Variants in TMED3 observed in about 807,000 individuals in gnomAD.
TMED3 encodes the protein transmembrane p24 trafficking protein 3.
In TMED3, 9 loss-of-function variants were observed where a neutral mutation model predicts 15.0. That is an observed-to-expected ratio of 0.60 (90% CI 0.36 to 1.04). The LOEUF is 1.04. Among genes scored for constraint, TMED3 ranks in the 50% least tolerant of loss-of-function variants. TMED3 has a pLI of 0.01. For missense variants in TMED3, 267 were observed against 278.9 expected (o/e 0.96, Z 0.30); for synonymous variants, 117 against 121.4 (o/e 0.96, Z 0.24).
intron 2 of TMED3, among the ~76,000 whole-genome samples, chr15:79,403,074 C>T (rs1364559162): frequency 6.6e-6 from 1 of 150,550 alleles, no homozygotes; most frequent in Non-Finnish European, 1.5e-5. Flanking sequence ...AAAAAAAAGT[C>T]AGCCAGGTGT....
intron 2 of TMED3, among the ~76,000 whole-genome samples, chr15:79,394,030 T>G (rs1225801810): frequency 6.6e-6 from 1 of 152,144 alleles, no homozygotes; most frequent in East Asian, 1.9e-4. Flanking sequence ...TTTCTACCTC[T>G]AATTTTTAAG....
At chr15:79,377,623 A>C (rs909272390) in intron 2 of TMED3, among the ~76,000 whole-genome samples, 4 of 151,728 alleles carry the variant, frequency 2.6e-5, no homozygotes, top group Non-Finnish European at 5.9e-5. Context: ...ATCTTTAAAA[A>C]TTGCATATGA....
rs542328830 is a variant in TMED3 at position 79,411,441 on chromosome 15, C to T, written c.459C>T (p.Val153=). Residue 153 remains valine, a synonymous_variant, in exon 3 of 3, where the codon GTC becomes GTT. Transcript: ENST00000424155. ...ATTGGAAGGAGGTGGACAAGATGGT[C>T]GACTATATGCAGCCAGGCGGAACAC... 1.9e-4 allele frequency: 130 copies of T among 702,458 alleles called. No homozygotes were observed. In the African/African-American group the frequency reaches 1.9e-3, roughly 10 times the overall value. The allele number at this position is 702,458 out of a possible 1,614,324, so 43.5% of individuals were successfully genotyped here. A position where few individuals can be genotyped will look rare whatever the true frequency, so the allele number is the denominator to read the frequency against.
intron 2 of TMED3, among the ~76,000 whole-genome samples, chr15:79,318,141 C>G (rs967539097): frequency 1.3e-5 from 2 of 152,168 alleles, no homozygotes; most frequent in African/African-American, 4.8e-5. Context: ...TCCTGCCCAT[C>G]CATCAGGGCT....
rs189005678 is a variant in TMED3, at chr15:79,391,901, C to A, written c.418-19499C>A. 2.6e-4 allele frequency among the ~76,000 whole-genome samples: 40 copies of A among 152,272 alleles called. No individual in the cohort carries two copies. The East Asian group carries it at 7.1e-3, about 27-fold the overall frequency. ...GTTTTGTCTGTTGTAAGAATTGCTA[C>A]CCCTGCTTACTTTTGGTGTCCATTT... On this transcript the variant is annotated intron_variant, in intron 2 of 2. Coordinates refer to the TMED3 transcript ENST00000424155.
chr15:79,345,150 T>C (rs150796724), intron 2 of TMED3, among the ~76,000 whole-genome samples: 174 of 152,354 alleles, frequency 1.1e-3, no homozygotes, highest in African/African-American at 4.0e-3. Context: ...TTATTTACTT[T>C]ATTTTTTATT....
At chr15:79,365,153 T>G (rs992081650) in intron 2 of TMED3, among the ~76,000 whole-genome samples, 1 of 152,222 alleles carries the variant, frequency 6.6e-6, no homozygotes, top group Non-Finnish European at 1.5e-5. Flanking sequence ...ATCAGGGAAC[T>G]CTCCTGTTTT....
At chr15:79,322,940 C>T (rs2058774335), downstream of TMED3, 1 of 972,132 alleles carries the variant, frequency 1.0e-6, no homozygotes, top group African/African-American at 1.8e-5. Flanking sequence ...CATAGAGTAC[C>T]TAGAGAGGTG....
chr15:79,392,549 T>A (rs1336688079), intron 2 of TMED3, among the ~76,000 whole-genome samples: 1 of 152,226 alleles, frequency 6.6e-6, no homozygotes, highest in African/African-American at 2.4e-5. Context: ...TTCATCTTAA[T>A]TTTAGATAAC....
intron 2 of TMED3, among the ~76,000 whole-genome samples, chr15:79,345,619 C>T (rs1406311850): frequency 5.3e-5 from 8 of 152,146 alleles, no homozygotes; most frequent in Admixed American, 3.9e-4. Context: ...TATACACATA[C>T]ATGTGTCTTT....
intron 2 of TMED3, among the ~76,000 whole-genome samples, chr15:79,366,848 C>T (rs1239722950): frequency 6.6e-6 from 1 of 152,158 alleles, no homozygotes; most frequent in Non-Finnish European, 1.5e-5. Context: ...TTTCACTTTT[C>T]AGCATTCCAG....
intron 2 of TMED3, among the ~76,000 whole-genome samples, chr15:79,330,494 T>C (rs373379114): frequency 6.6e-6 from 1 of 152,098 alleles, no homozygotes; most frequent in East Asian, 1.9e-4. Flanking sequence ...GAAAAATCTC[T>C]ACAAGGAAAA....
chr15:79,333,749 G>T (rs1389915428), intron 2 of TMED3, among the ~76,000 whole-genome samples: 1 of 152,150 alleles, frequency 6.6e-6, no homozygotes, highest in Non-Finnish European at 1.5e-5. Context: ...ACTCCTGGTG[G>T]CTGAGGCCCC....
intron 2 of TMED3, among the ~76,000 whole-genome samples, chr15:79,338,921 T>TC (rs902436005): frequency 1.1e-4 from 16 of 151,986 alleles, no homozygotes; most frequent in Admixed American, 2.6e-4. Context: ...AGTCTCCCTT[T>TC]CCCCGGGGAA....
intron 2 of TMED3, among the ~76,000 whole-genome samples, chr15:79,339,909 G>T (rs530736935): frequency 6.6e-6 from 1 of 151,094 alleles, no homozygotes; most frequent in African/African-American, 2.5e-5. Context: ...GATTAGGATG[G>T]TGATGGTGGT....
At chr15:79,380,780 G>A (rs1198887376) in intron 2 of TMED3, among the ~76,000 whole-genome samples, 1 of 152,012 alleles carries the variant, frequency 6.6e-6, no homozygotes, top group African/African-American at 2.4e-5. Context: ...AGGCTCCGAT[G>A]TCTCACTTAG....
intron 2 of TMED3, among the ~76,000 whole-genome samples, chr15:79,354,436 A>C (rs913700943): frequency 1.3e-5 from 2 of 152,096 alleles, no homozygotes; most frequent in Admixed American, 6.6e-5. Context: ...TTACCACCCA[A>C]GGCTTTGCCG....
At chr15:79,370,674 C>A (rs939083013) in intron 2 of TMED3, among the ~76,000 whole-genome samples, 3 of 152,066 alleles carry the variant, frequency 2.0e-5, no homozygotes, top group Non-Finnish European at 4.4e-5. Flanking sequence ...TGACAGAATT[C>A]GGTTATTAAT....
At chr15:79,384,864 A>G (rs1430913230) in intron 2 of TMED3, 1 of 152,230 alleles carries the variant, frequency 6.6e-6, no homozygotes, top group Admixed American at 6.5e-5. Context: ...TGTATAAGAA[A>G]TGAACAGCAG....
Sources: allele counts gnomAD v4.1 joint callset (sites outside exome capture counted in the v4.1 genomes callset), GRCh38; gene constraint gnomAD v4.1.1; transcripts MANE v1.5; gene names NCBI Gene and HGNC (gene_info 2026-07-23, HGNC 2026-07-21).